STK32B: variants seen among roughly 807,000 people sequenced by gnomAD.
The protein encoded by STK32B is serine/threonine-protein kinase 32B.
STK32B carries 43 observed loss-of-function variants against 52.6 expected under a neutral mutation model. The ratio of observed to expected loss-of-function variants is 0.82; its 90% CI spans 0.64 to 1.05. The LOEUF (loss-of-function observed/expected upper bound fraction) is 1.05. Ranked by LOEUF, STK32B falls within the 50% of genes least tolerant of loss-of-function variation. The pLI is 0.00. For synonymous variants in STK32B, 238 were observed against 204.3 expected (o/e 1.17, Z -1.41); for missense variants, 621 against 534.6 (o/e 1.16, Z -1.59).
intron 3 of STK32B, among the ~76,000 whole-genome samples, chr4:5,279,846 C>T (rs1042343775): frequency 2.6e-5 from 4 of 152,326 alleles, no homozygotes; most frequent in Admixed American, 1.3e-4. Context: ...TGTACCTTTG[C>T]CCCTTTTAGT....
At chr4:5,050,943 C>T (rs1312882269), upstream of STK32B, among the ~76,000 whole-genome samples, 1 of 152,188 alleles carries the variant, frequency 6.6e-6, no homozygotes, top group Non-Finnish European at 1.5e-5. Context: ...CAAACTATGG[C>T]TGTCTGGGGC....
chr4:5,331,131 G>C, intron 3 of STK32B, 89 bp from the exon 4 acceptor site: 1 of 1,314,274 alleles, frequency 7.6e-7, no homozygotes, highest in South Asian at 1.5e-5. Context: ...CTGAGCCTCA[G>C]TTTGCTCTTC....
chr4:5,415,067 T>C (rs1712044818), intron 5 of STK32B, among the ~76,000 whole-genome samples: 1 of 152,190 alleles, frequency 6.6e-6, no homozygotes, highest in South Asian at 2.1e-4. Flanking sequence ...AAAACAGTAA[T>C]GAGTTTGCTT....
At chr4:5,476,236 G>C (rs995185771) in intron 11 of STK32B, among the ~76,000 whole-genome samples, 1 of 152,142 alleles carries the variant, frequency 6.6e-6, no homozygotes, top group African/African-American at 2.4e-5. Flanking sequence ...TGTCTGGAAA[G>C]AATAAGTCAT....
chr4:5,234,980 A>G (rs1345642012), intron 3 of STK32B, among the ~76,000 whole-genome samples: 1 of 152,248 alleles, frequency 6.6e-6, no homozygotes, highest in Non-Finnish European at 1.5e-5. Flanking sequence ...AGAACTTTCC[A>G]TAAACCAAGC....
intron 1 of STK32B, among the ~76,000 whole-genome samples, chr4:5,054,740 T>G (rs1339262487): frequency 6.6e-6 from 1 of 152,218 alleles, no homozygotes; most frequent in African/African-American, 2.4e-5. Context: ...TGGTTGAAGG[T>G]TGAAGATGCA....
chr4:5,032,338 T>C, the STK32B span, among the ~76,000 whole-genome samples: 1 of 150,872 alleles, frequency 6.6e-6, no homozygotes, highest in South Asian at 2.1e-4. Flanking sequence ...CCGGGCGTGG[T>C]GGTGCACAAC....
intron 1 of STK32B, among the ~76,000 whole-genome samples, chr4:5,112,993 C>A (rs1443155004): frequency 6.6e-6 from 1 of 152,142 alleles, no homozygotes; most frequent in Non-Finnish European, 1.5e-5. Context: ...AAGAGACTGA[C>A]AATAACCAAA....
chr4:5,175,630 C>T (rs577276694), intron 3 of STK32B, among the ~76,000 whole-genome samples: 5 of 152,150 alleles, frequency 3.3e-5, no homozygotes, highest in Non-Finnish European at 5.9e-5. Context: ...ATTGGTGAAC[C>T]GCAAATGCTG....
chr4:5,093,978 G>A (rs1037209442), intron 1 of STK32B, among the ~76,000 whole-genome samples: 3 of 152,190 alleles, frequency 2.0e-5, no homozygotes, highest in Non-Finnish European at 2.9e-5. Flanking sequence ...TCTGCAGGGC[G>A]GTTGGTTGCC....
rs1348962727 is a variant in STK32B, at chr4:5,398,506, G to T, written c.472+262G>T. Among the ~76,000 whole-genome samples, 3 of 152,100 alleles carry T rather than the reference G, an allele frequency of 2.0e-5. No homozygotes were observed. Among genetic ancestry groups the T allele is most frequent in the African/African-American group, 7.2e-5 (3 of 41,400 alleles). On this transcript the variant is annotated intron_variant, in intron 5 of 11. Coordinates refer to ENST00000282908, the MANE Select transcript of STK32B (RefSeq NM_018401.3). The surrounding 1 kb of genome is among the most constrained non-coding windows in gnomAD (Gnocchi z 4.9). ...ATCCCCGTGTGAGGAGGACAGGGCC[G>T]CCGTGAGGATGAGCCCGGGGTTCCA...
chr4:5,277,034 A>T (rs1470820969), intron 3 of STK32B, among the ~76,000 whole-genome samples: 1 of 152,204 alleles, frequency 6.6e-6, no homozygotes, highest in East Asian at 1.9e-4. Context: ...CTCCAGATGA[A>T]CTTTTATCTT....
At chr4:5,266,045 G>A (rs536112241) in intron 3 of STK32B, among the ~76,000 whole-genome samples, 311 of 152,200 alleles carry the variant, frequency 2.0e-3, no homozygotes, top group African/African-American at 7.3e-3. Flanking sequence ...TTGGTTTCCT[G>A]GATGAAAGGG....
rs1736841946 is a variant in STK32B, at chr4:5,395,681, T to C, written c.435-2526T>C. ...GGACACCCCCGTAAATGCTTGAGAT[T>C]CCACTCTGTGCTAAGAGCCAACACA... On this transcript the variant is annotated intron_variant, in intron 4 of 11. Coordinates refer to ENST00000282908, the MANE Select transcript of STK32B (RefSeq NM_018401.3). The surrounding 1 kb of genome is among the most constrained non-coding windows in gnomAD (Gnocchi z 4.4). 6.6e-6 allele frequency among the ~76,000 whole-genome samples: 1 copy of C among 152,214 alleles called. No homozygotes were observed. Among genetic ancestry groups the C allele is most frequent in the Non-Finnish European group, 1.5e-5 (1 of 68,046 alleles).
intron 5 of STK32B, among the ~76,000 whole-genome samples, chr4:5,408,814 A>G (rs777416798): frequency 6.6e-6 from 1 of 152,150 alleles, no homozygotes; most frequent in Non-Finnish European, 1.5e-5. Context: ...GGAGCAGAGT[A>G]GAGGAAGCAG....
chr4:5,408,211 G>T (rs1737803286), intron 5 of STK32B, among the ~76,000 whole-genome samples: 1 of 152,140 alleles, frequency 6.6e-6, no homozygotes, highest in Non-Finnish European at 1.5e-5. Context: ...CTTCTGGTAT[G>T]GTTTGGATCT....
chr4:5,316,004 C>T (rs781030385), intron 3 of STK32B, among the ~76,000 whole-genome samples: 8 of 147,908 alleles, frequency 5.4e-5, no homozygotes, highest in South Asian at 2.1e-4. Flanking sequence ...CGGGACTGGC[C>T]GAGTATTTTA....
intron 3 of STK32B, among the ~76,000 whole-genome samples, chr4:5,177,131 G>C (rs1454525810): frequency 6.6e-6 from 1 of 152,156 alleles, no homozygotes; most frequent in African/African-American, 2.4e-5. Context: ...CTGCTATAAA[G>C]AACTGCCCAA....
At position 5,395,726 on chromosome 4, in the gene STK32B, A is replaced by G. The variant is rs1340386489; in HGVS notation, c.435-2481A>G. 1.3e-5 allele frequency among the ~76,000 whole-genome samples: 2 copies of G among 152,224 alleles called. No individual in the cohort carries two copies. Among genetic ancestry groups the G allele is most frequent in the Non-Finnish European group, 2.9e-5 (2 of 68,036 alleles). ...AACACAGAAGCAATGTGTGTTATGT[A>G]TCAGGTATTTAATCCACACAGCAAA... On this transcript the variant is annotated intron_variant, in intron 4 of 11. Coordinates refer to ENST00000282908, the MANE Select transcript of STK32B (RefSeq NM_018401.3). The surrounding 1 kb of genome is among the most constrained non-coding windows in gnomAD (Gnocchi z 4.4).
Sources: gnomAD v4.1 joint callset for allele counts (sites outside exome capture counted in the v4.1 genomes callset) on GRCh38, gnomAD v4.1.1 for gene constraint, Gnocchi (gnomAD v3.1) non-coding constraint, MANE v1.5 for transcripts, NCBI Gene and HGNC (gene_info 2026-07-23, HGNC 2026-07-21) for gene names.